Variants in SEC23A observed in about 807,000 individuals in gnomAD.
The protein encoded by SEC23A is SEC23 homolog A, COPII component.
A neutral mutation model predicts 103.7 loss-of-function variants in SEC23A; 56 were observed. The observed-to-expected ratio is 0.54, with a 90% CI of 0.44 to 0.67. SEC23A has a LOEUF of 0.67. Among genes scored for constraint, SEC23A ranks in the 30% least tolerant of loss-of-function variants. The probability of loss-of-function intolerance (pLI) is 0.00; values close to 1 mark genes in which losing one functional copy is unlikely to be tolerated. For synonymous variants in SEC23A, 281 were observed against 293.0 expected (o/e 0.96, Z 0.42); for missense variants, 784 against 936.4 (o/e 0.84, Z 2.12).
At chr14:39,065,731 G>C (rs899529997) in intron 10 of SEC23A, among the ~76,000 whole-genome samples, 1 of 152,090 alleles carries the variant, frequency 6.6e-6, no homozygotes, top group Admixed American at 6.5e-5. Flanking sequence ...AGGCGCGGTA[G>C]CTCACGCCTG....
Position 39,096,199 on chromosome 14 carries a change from T to A in SEC23A, c.-21-60A>T, listed in dbSNP as rs3818163. 0.69 allele frequency: 773,955 copies of A among 1,125,146 alleles called. 267,871 individuals are homozygous for A. The highest frequency in any genetic ancestry group is 0.71 in the Non-Finnish European group (533,584 of 749,720). The allele number at this position is 1,125,146 out of a possible 1,614,324, so 69.7% of individuals were successfully genotyped here. On this transcript the variant is annotated intron_variant, in intron 1 of 19. Coordinates refer to ENST00000307712, the MANE Select transcript of SEC23A (RefSeq NM_006364.4). The stretch of plus-strand genomic sequence containing the variant: ...GATCCTCTTAAGAACGTTCAAAATA[T>A]GAATGTTCTCCCCTCATTCAGCAAT...
chr14:39,070,653 A>G (rs989248183), intron 9 of SEC23A, among the ~76,000 whole-genome samples: 4 of 152,230 alleles, frequency 2.6e-5, no homozygotes, highest in African/African-American at 9.6e-5. Context: ...CAAAATCCCA[A>G]AAACACATTT....
intron 8 of SEC23A, 60 bp from the exon 9 acceptor site, chr14:39,074,590 A>T: frequency 9.8e-7 from 1 of 1,019,248 alleles, no homozygotes; most frequent in Non-Finnish European, 1.5e-6. Context: ...TCTTTTTTCC[A>T]TTAACAGATC....
In SEC23A at chr14:39,094,890, A is replaced by G. The variant is rs1315422216; in HGVS notation, c.221+1008T>C. On this transcript the variant is annotated intron_variant, in intron 2 of 19. Coordinates refer to ENST00000307712, the MANE Select transcript of SEC23A (RefSeq NM_006364.4). Reference sequence around the variant, plus strand: ...GAAATATATACAGAGGCTAGATCATACAAGGCTTTATAGATCTTGATAAGG... The same window carrying G: ...GAAATATATACAGAGGCTAGATCATGCAAGGCTTTATAGATCTTGATAAGG... The G allele has an allele frequency of 2.2e-5, 14 of 646,210 alleles. 1 individual carries two copies. Among genetic ancestry groups the G allele is most frequent in the Admixed American group, 2.1e-4 (8 of 37,430 alleles). 40.0% of individuals were successfully genotyped at this position (646,210 alleles called of 1,614,324 possible).
rs998693751 is a variant in SEC23A, at chr14:39,032,789, C to G, written c.*450G>C. On this transcript the variant is annotated 3_prime_UTR_variant, in exon 20 of 20. Transcript: ENST00000307712. ...GTGTATACATAAGTGCTGAAAATTA[C>G]AGAAAAATATTCAATGAATAAGCAA... 6.3e-6 allele frequency: 1 copy of G among 158,320 alleles called. No homozygotes were observed. Among genetic ancestry groups the G allele is most frequent in the African/African-American group, 2.4e-5 (1 of 41,456 alleles). 9.8% of individuals were successfully genotyped at this position (158,320 alleles called of 1,614,324 possible). A position where few individuals can be genotyped will look rare whatever the true frequency, so the allele number is the denominator to read the frequency against.
Position 39,096,010 on chromosome 14 carries a change from G to A in SEC23A, c.109C>T (p.Pro37Ser). ...AGTGGTGTAAACAGGGCTGCCACAG[G>A]AACAACCATTCTTGTAGCTTCCAGT... ...SRLEATRMVV[P>S]VAALFTPLKE... is the part of the protein sequence containing the mutation. The change falls in exon 2 of 20, where the codon CCT becomes TCT. Residue 37 changes from proline (P) to serine (S), a missense_variant. Transcript: ENST00000307712. 2 of 1,614,050 alleles carry A rather than the reference G, an allele frequency of 1.2e-6. No homozygotes were observed. The highest frequency in any genetic ancestry group is 1.7e-6 in the Non-Finnish European group (2 of 1,179,954).
rs190536857 is a variant in SEC23A, at chr14:39,033,012, A to G, written c.*227T>C. On this transcript the variant is annotated 3_prime_UTR_variant, in exon 20 of 20. Coordinates refer to ENST00000307712, the MANE Select transcript of SEC23A (RefSeq NM_006364.4). ...AGTTATAAAGACTTCAAATTTCTAG[A>G]ACCAGCTATAACACTGTGGTAAGCA... is the stretch of plus-strand genomic sequence containing the variant. 28 of 513,736 alleles carry G rather than the reference A, an allele frequency of 5.5e-5. No individual in the cohort carries two copies. Among genetic ancestry groups the G allele is most frequent in the Admixed American group, 4.6e-4 (14 of 30,130 alleles). The allele number at this position is 513,736 out of a possible 1,614,324, so 31.8% of individuals were successfully genotyped here.
intron 7 of SEC23A, among the ~76,000 whole-genome samples, chr14:39,084,723 G>A (rs1191371962): frequency 6.6e-6 from 1 of 152,204 alleles, no homozygotes. Flanking sequence ...AGGCTGGAGT[G>A]CAGTGATGCG....
At chr14:39,096,968 C>T (rs1887911833) in intron 1 of SEC23A, among the ~76,000 whole-genome samples, 1 of 152,168 alleles carries the variant, frequency 6.6e-6, no homozygotes, top group African/African-American at 2.4e-5. Flanking sequence ...TGTGCAAGTA[C>T]AGGCTATTTG....
intron 5 of SEC23A, among the ~76,000 whole-genome samples, chr14:39,087,364 C>T (rs983982565): frequency 2.0e-5 from 3 of 152,174 alleles, no homozygotes; most frequent in Non-Finnish European, 1.5e-5. Flanking sequence ...ATCATAAGCA[C>T]CTGCTATGTG....
chr14:39,097,669 T>C (rs1216467466), intron 1 of SEC23A, among the ~76,000 whole-genome samples: 1 of 152,202 alleles, frequency 6.6e-6, no homozygotes, highest in Non-Finnish European at 1.5e-5. Context: ...ACACTGTATT[T>C]CCTCCAATTG....
At chr14:39,051,710 T>C (rs1257781461) in intron 14 of SEC23A, among the ~76,000 whole-genome samples, 1 of 151,962 alleles carries the variant, frequency 6.6e-6, no homozygotes, top group Admixed American at 6.6e-5. Context: ...ATACCTGTAA[T>C]CCCAGTACTC....
chr14:39,054,326 A>T (rs570726155), intron 14 of SEC23A, among the ~76,000 whole-genome samples: 35 of 152,264 alleles, frequency 2.3e-4, no homozygotes, highest in African/African-American at 7.9e-4. Flanking sequence ...TCATAATGTA[A>T]GTACAGTAAT....
At chr14:39,100,150 G>C (rs983414881) in intron 1 of SEC23A, among the ~76,000 whole-genome samples, 2 of 151,972 alleles carry the variant, frequency 1.3e-5, no homozygotes, top group Non-Finnish European at 2.9e-5. Flanking sequence ...CAATCTCCCT[G>C]CTCTAAGATC....
Position 39,045,329 on chromosome 14 carries a change from A to C in SEC23A, c.1738-5T>G. 1 of 1,598,148 alleles carries C rather than the reference A, an allele frequency of 6.3e-7. No individual in the cohort carries two copies. Among genetic ancestry groups the C allele is most frequent in the Non-Finnish European group, 8.6e-7 (1 of 1,166,136 alleles). On this transcript the variant is annotated splice_region_variant and splice_polypyrimidine_tract_variant and intron_variant, in intron 15 of 19. Coordinates refer to ENST00000307712, the MANE Select transcript of SEC23A (RefSeq NM_006364.4). Reference sequence around the variant, plus strand: ...TCTTCTTAAATGAAACATAAACTGTAAGATAAACACGTAAGATAGTTGTTA... The same window carrying C: ...TCTTCTTAAATGAAACATAAACTGTCAGATAAACACGTAAGATAGTTGTTA...
At chr14:39,075,700 A>T (rs563440470) in intron 8 of SEC23A, among the ~76,000 whole-genome samples, 1 of 152,376 alleles carries the variant, frequency 6.6e-6, no homozygotes, top group East Asian at 1.9e-4. Flanking sequence ...TCTCTCAGTA[A>T]TAATTTTTAA....
chr14:39,075,740 T>C (rs1490525116), intron 8 of SEC23A, among the ~76,000 whole-genome samples, 195 bp downstream of exon 8: 1 of 152,208 alleles, frequency 6.6e-6, no homozygotes. Flanking sequence ...TACTATGAAG[T>C]GTTTAAATAT....
intron 10 of SEC23A, 87 bp downstream of exon 10, chr14:39,067,086 A>G: frequency 6.6e-7 from 1 of 1,505,752 alleles, no homozygotes; most frequent in Non-Finnish European, 9.2e-7. Flanking sequence ...TAAATATTAA[A>G]TTTGATTAAT....
chr14:39,048,693 T>C lies in SEC23A; in HGVS notation c.1696A>G (p.Ser566Gly), dbSNP rs148087647. ...KFGEYHKDDP[S>G]SFRFSETFSL... Reference sequence around the variant, plus strand: ...AAAGTTTCTGAAAATCTGAAGGAACTTGGGTCATCTTTATGATATTCTCCA... The same window carrying C: ...AAAGTTTCTGAAAATCTGAAGGAACCTGGGTCATCTTTATGATATTCTCCA... Residue 566 changes from serine (S) to glycine (G), a missense_variant, in exon 15 of 20, where the codon AGT (serine) becomes GGT (glycine). Coordinates refer to ENST00000307712, the MANE Select transcript of SEC23A (RefSeq NM_006364.4). The C allele has an allele frequency of 1.6e-5, 25 of 1,593,842 alleles. No homozygotes were observed. Among genetic ancestry groups the C allele is most frequent in the African/African-American group, 1.2e-4 (9 of 74,694 alleles).
Sources: allele counts gnomAD v4.1 joint callset (sites outside exome capture counted in the v4.1 genomes callset), GRCh38; gene constraint gnomAD v4.1.1; transcripts MANE v1.5; gene names NCBI Gene and HGNC (gene_info 2026-07-23, HGNC 2026-07-21).